The following ANO4 variants were observed in gnomAD, a reference collection of about 807,000 sequenced individuals.
ANO4 encodes anoctamin 4, also known as anoctamin-4.
In ANO4, 69 loss-of-function variants were observed where a neutral mutation model predicts 141.9. The ratio of observed to expected loss-of-function variants is 0.49; its 90% confidence interval spans 0.40 to 0.59. The LOEUF (loss-of-function observed/expected upper bound fraction) is 0.59. Among genes scored for constraint, ANO4 ranks in the 20% least tolerant of loss-of-function variants. ANO4 has a pLI of 0.00. For synonymous variants in ANO4, 350 were observed against 394.3 expected (o/e 0.89, Z 1.33); for missense variants, 894 against 1,162.2 (o/e 0.77, Z 3.36).
intron 2 of ANO4, among the ~76,000 whole-genome samples, chr12:100,917,512 G>A (rs2041402488): frequency 6.6e-6 from 1 of 152,200 alleles, no homozygotes; most frequent in South Asian, 2.1e-4. Context: ...TACGAAGTAG[G>A]CATAGTACAT....
intron 5 of ANO4, among the ~76,000 whole-genome samples, chr12:100,948,700 G>A (rs1306391175): frequency 6.6e-6 from 1 of 152,164 alleles, no homozygotes; most frequent in Non-Finnish European, 1.5e-5. Flanking sequence ...GCGAATGATA[G>A]CATTCTGTGT....
chr12:101,033,909 A>G (rs1225024955), intron 9 of ANO4, among the ~76,000 whole-genome samples: 1 of 152,246 alleles, frequency 6.6e-6, no homozygotes. Flanking sequence ...ACTGATTATT[A>G]GAGAAATGCA....
intron 8 of ANO4, among the ~76,000 whole-genome samples, chr12:101,019,473 G>A (rs973691052): frequency 6.6e-6 from 1 of 152,080 alleles, no homozygotes; most frequent in Non-Finnish European, 1.5e-5. Context: ...TCAATCTTAA[G>A]TGTGTGCTTT....
At chr12:100,990,349 CTCAGCGTGA>C (rs2045036036) in intron 8 of ANO4, among the ~76,000 whole-genome samples, 1 of 152,096 alleles carries the variant, frequency 6.6e-6, no homozygotes, top group Non-Finnish European at 1.5e-5. Flanking sequence ...AACAATACTT[CTCAGCGTGA>C]TTCTTAAAGT....
upstream of ANO4, chr12:100,717,448 C>A: frequency 2.5e-6 from 1 of 395,782 alleles, no homozygotes; most frequent in South Asian, 1.3e-4. Context: ...CTCGCCGGGC[C>A]GGGCCGTCCA....
chr12:101,057,716 A>G (rs2048179548), intron 14 of ANO4, among the ~76,000 whole-genome samples: 1 of 151,346 alleles, frequency 6.6e-6, no homozygotes, highest in Non-Finnish European at 1.5e-5. Flanking sequence ...GGTTGTTTGT[A>G]TTTTCCTGTA....
At chr12:100,963,577 C>T (rs937775728) in intron 5 of ANO4, among the ~76,000 whole-genome samples, 5 of 152,102 alleles carry the variant, frequency 3.3e-5, no homozygotes, top group African/African-American at 1.2e-4. Flanking sequence ...TTGTAAACTA[C>T]ACTCACAAAT....
chr12:101,093,509 A>G (rs914578570), intron 17 of ANO4, among the ~76,000 whole-genome samples: 10 of 151,936 alleles, frequency 6.6e-5, no homozygotes, highest in Admixed American at 6.6e-4. Context: ...TTTCCTTTTC[A>G]TTTTCACTTA....
intron 22 of ANO4, among the ~76,000 whole-genome samples, chr12:101,102,611 T>C (rs1404349656): frequency 6.6e-6 from 1 of 152,184 alleles, no homozygotes; most frequent in Non-Finnish European, 1.5e-5. Flanking sequence ...TTGTCAGATA[T>C]ATATGTTGAA....
chr12:101,101,498 G>T (rs894480382), intron 22 of ANO4, among the ~76,000 whole-genome samples: 9 of 151,818 alleles, frequency 5.9e-5, no homozygotes, highest in Admixed American at 3.9e-4. Context: ...TGTTTTGTTT[G>T]CATTTCCACT....
At chr12:101,022,696 G>A (rs984396877) in intron 9 of ANO4, among the ~76,000 whole-genome samples, 2 of 152,050 alleles carry the variant, frequency 1.3e-5, no homozygotes, top group African/African-American at 4.8e-5. Flanking sequence ...ACTCCAAATG[G>A]CATCTTCACT....
chr12:100,795,623 T>C (rs2034259213), intron 1 of ANO4, among the ~76,000 whole-genome samples: 1 of 152,200 alleles, frequency 6.6e-6, no homozygotes, highest in African/African-American at 2.4e-5. Flanking sequence ...GTAGACTGCA[T>C]GACCTCATTG....
At chr12:100,836,972 C>A (rs537304633) in intron 1 of ANO4, among the ~76,000 whole-genome samples, 2 of 152,066 alleles carry the variant, frequency 1.3e-5, no homozygotes, top group African/African-American at 4.8e-5. Flanking sequence ...GATAACATCC[C>A]CAAAGGAGAG....
chr12:101,092,854 A>C (rs1018606769), intron 17 of ANO4, among the ~76,000 whole-genome samples: 9 of 152,212 alleles, frequency 5.9e-5, no homozygotes, highest in African/African-American at 2.2e-4. Context: ...AAGACATAAA[A>C]GATAAACCAG....
At chr12:100,919,157 A>G (rs1190074856) in intron 2 of ANO4, among the ~76,000 whole-genome samples, 1 of 152,202 alleles carries the variant, frequency 6.6e-6, no homozygotes, top group African/African-American at 2.4e-5. Flanking sequence ...GTTAAAAAAA[A>G]TCTAAAAGGT....
At chr12:100,777,888 A>G (rs2033579205) in intron 3 of ANO4, among the ~76,000 whole-genome samples, 1 of 150,000 alleles carries the variant, frequency 6.7e-6, no homozygotes, top group Admixed American at 6.6e-5. Flanking sequence ...TGGTCTTGGT[A>G]CTTTCTTGTC....
At chr12:101,012,889 A>G (rs1326905088) in intron 8 of ANO4, among the ~76,000 whole-genome samples, 1 of 152,146 alleles carries the variant, frequency 6.6e-6, no homozygotes, top group Non-Finnish European at 1.5e-5. Flanking sequence ...TGTTGGGCAT[A>G]AGAGAGAGGG....
intron 24 of ANO4, 110 bp from the exon 25 acceptor site, chr12:101,116,569 A>G: frequency 6.8e-7 from 1 of 1,480,112 alleles, no homozygotes; most frequent in Non-Finnish European, 9.3e-7. Flanking sequence ...AGGAAGGGCC[A>G]GTTAAAGGCA....
chr12:100,756,706 G>A (rs922170498), intron 3 of ANO4, among the ~76,000 whole-genome samples: 2 of 152,052 alleles, frequency 1.3e-5, no homozygotes, highest in African/African-American at 4.8e-5. Context: ...CAACTCTTGG[G>A]AGATCTCCTC....
Sources: allele counts gnomAD v4.1 joint callset (sites outside exome capture counted in the v4.1 genomes callset), GRCh38; gene constraint gnomAD v4.1.1; transcripts MANE v1.5; gene names NCBI Gene and HGNC (gene_info 2026-07-23, HGNC 2026-07-21).